FBN2: variants seen among roughly 807,000 people sequenced by gnomAD.
FBN2 encodes fibrillin-2.
In FBN2, 105 loss-of-function variants were observed where a neutral mutation model predicts 355.6. That is an observed-to-expected ratio of 0.30 (90% CI 0.25 to 0.35). The LOEUF (loss-of-function observed/expected upper bound fraction) is 0.35, where lower values mean the gene tolerates loss of function less well. Among genes scored for constraint, FBN2 ranks in the 10% least tolerant of loss-of-function variants. The pLI, the probability that FBN2 is intolerant of heterozygous loss-of-function variation, is 1.00. For synonymous variants in FBN2, 1,350 were observed against 1,301.2 expected (o/e 1.04, Z -0.81); for missense variants, 3,280 against 3,758.7 (o/e 0.87, Z 3.33).
rs757350474 is a variant in FBN2, at chr5:128,364,566, A to T, written c.2428+34T>A. 18 of 1,598,252 alleles carry T rather than the reference A, an allele frequency of 1.1e-5. No individual in the cohort carries two copies. In the Middle Eastern group the frequency reaches 5.0e-4, roughly 44 times the overall value. The stretch of plus-strand genomic sequence containing the variant: ...ATAATCCATGGGATTAAACTATATG[A>T]AATGTTCTTGCATAAATATAACAAA... On this transcript the variant is annotated intron_variant, in intron 18 of 64. Coordinates refer to ENST00000262464, the MANE Select transcript of FBN2 (RefSeq NM_001999.4).
chr5:128,432,713 A>AT (rs1753657569), intron 7 of FBN2, among the ~76,000 whole-genome samples: 1 of 152,154 alleles, frequency 6.6e-6, no homozygotes, highest in Non-Finnish European at 1.5e-5. Context: ...GTCATAAGTG[A>AT]TAAAAAAAAG....
At chr5:128,299,642 G>A (rs1250272844) in intron 48 of FBN2, among the ~76,000 whole-genome samples, 2 of 152,186 alleles carry the variant, frequency 1.3e-5, no homozygotes, top group African/African-American at 4.8e-5. Context: ...CTGACCCCTT[G>A]CGCTTCCCGA....
At chr5:128,352,460 G>A (rs1282279540) in intron 20 of FBN2, among the ~76,000 whole-genome samples, 5 of 152,152 alleles carry the variant, frequency 3.3e-5, no homozygotes, top group Middle Eastern at 3.2e-3. Context: ...AGGGAATAAC[G>A]AATGGTTAGT....
intron 34 of FBN2, among the ~76,000 whole-genome samples, chr5:128,321,831 T>C (rs1406307779): frequency 6.6e-6 from 1 of 152,162 alleles, no homozygotes; most frequent in Non-Finnish European, 1.5e-5. Flanking sequence ...CTGGGTCAAA[T>C]GGTATTTCTG....
intron 34 of FBN2, among the ~76,000 whole-genome samples, chr5:128,326,750 G>T (rs1266080094): frequency 6.6e-6 from 1 of 152,182 alleles, no homozygotes; most frequent in African/African-American, 2.4e-5. Flanking sequence ...GAATGGAGCA[G>T]AGGGTCCAAC....
intron 6 of FBN2, among the ~76,000 whole-genome samples, chr5:128,462,687 TG>T (rs956901299): frequency 1.8e-4 from 27 of 152,288 alleles, no homozygotes; most frequent in African/African-American, 6.0e-4. Flanking sequence ...TTTTTATAAT[TG>T]TGTTTGGGAA....
chr5:128,402,795 G>A (rs995498792), intron 8 of FBN2, among the ~76,000 whole-genome samples: 9 of 152,158 alleles, frequency 5.9e-5, no homozygotes, highest in Non-Finnish European at 1.3e-4. Flanking sequence ...TTGATGGTCT[G>A]GTTCCAGCCT....
intron 7 of FBN2, among the ~76,000 whole-genome samples, chr5:128,444,025 T>A (rs1488693495): frequency 6.7e-6 from 1 of 150,206 alleles, no homozygotes; most frequent in Non-Finnish European, 1.5e-5. Context: ...TTACATTAAA[T>A]AGTTTTATAT....
intron 11 of FBN2, among the ~76,000 whole-genome samples, chr5:128,389,018 A>C (rs942885411): frequency 2.0e-5 from 3 of 152,140 alleles, no homozygotes. Context: ...CATATTTCTC[A>C]GGGGTTTTGT....
chr5:128,313,109 C>T (rs1750104481), intron 36 of FBN2, among the ~76,000 whole-genome samples: 1 of 152,140 alleles, frequency 6.6e-6, no homozygotes, highest in African/African-American at 2.4e-5. Context: ...GAATACAATA[C>T]ATTTTTTGTA....
At chr5:128,404,248 A>AT (rs1188965353) in intron 8 of FBN2, among the ~76,000 whole-genome samples, 2 of 152,252 alleles carry the variant, frequency 1.3e-5, no homozygotes, top group African/African-American at 2.4e-5. Context: ...AATATGTTAG[A>AT]TTAATTTTTT....
intron 23 of FBN2, among the ~76,000 whole-genome samples, chr5:128,346,994 T>G (rs1751199249): frequency 1.3e-5 from 2 of 152,222 alleles, no homozygotes; most frequent in African/African-American, 4.8e-5. Context: ...GTGATAGTAA[T>G]CCAGCGTCTC....
intron 11 of FBN2, among the ~76,000 whole-genome samples, chr5:128,382,391 G>A (rs964602361): frequency 6.6e-6 from 1 of 152,024 alleles, no homozygotes; most frequent in Non-Finnish European, 1.5e-5. Context: ...AAGGGCCTTC[G>A]ATGTGTCTGT....
At chr5:128,480,913 C>T (rs1368535309) in intron 5 of FBN2, among the ~76,000 whole-genome samples, 1 of 152,092 alleles carries the variant, frequency 6.6e-6, no homozygotes, top group Non-Finnish European at 1.5e-5. Flanking sequence ...ATAAACCTCA[C>T]TGTGGCTTTG....
intron 7 of FBN2, among the ~76,000 whole-genome samples, chr5:128,443,300 C>T (rs1753971355): frequency 6.6e-6 from 1 of 152,202 alleles, no homozygotes; most frequent in African/African-American, 2.4e-5. Flanking sequence ...TTGAGGAAGA[C>T]CAGTAGCTTC....
At chr5:128,264,267 G>A (rs1393553808) in intron 62 of FBN2, among the ~76,000 whole-genome samples, 1 of 152,072 alleles carries the variant, frequency 6.6e-6, no homozygotes, top group African/African-American at 2.4e-5. Flanking sequence ...GGAGGAGAAA[G>A]CATAAAAAAA....
intron 8 of FBN2, 144 bp downstream of exon 8, chr5:128,408,530 C>T: frequency 2.1e-6 from 2 of 965,168 alleles, no homozygotes; most frequent in Non-Finnish European, 3.3e-6. Flanking sequence ...TCTATCAATC[C>T]CTCAATACTG....
intron 8 of FBN2, among the ~76,000 whole-genome samples, chr5:128,407,714 G>C (rs915210915): frequency 6.6e-6 from 1 of 152,162 alleles, no homozygotes; most frequent in Admixed American, 6.6e-5. Context: ...TCAGGCCACA[G>C]TCCTTTTATT....
rs756737851 is a variant in FBN2 at position 128,263,487 on chromosome 5, G to A, written c.8130C>T (p.Cys2710=). 6 of 1,613,690 alleles carry A rather than the reference G, an allele frequency of 3.7e-6. No homozygotes were observed. The South Asian group carries it at 6.6e-5, about 18-fold the overall frequency. Residue 2710 remains cysteine, a synonymous_variant, in exon 63 of 65, where the codon TGC becomes TGT. Transcript: ENST00000262464. ...SSSKNPCNYG[C]SNTEGGYLCG... ...AGAGGTAGCCCCCCTCCGTGTTAGA[G>A]CAGCCGTAATTGCAGGGGTTCTTGG...
Sources: gnomAD v4.1 joint callset for allele counts (sites outside exome capture counted in the v4.1 genomes callset) on GRCh38, gnomAD v4.1.1 for gene constraint, MANE v1.5 for transcripts, NCBI Gene and HGNC (gene_info 2026-07-23, HGNC 2026-07-21) for gene names.